Variants in FAM120B observed in about 807,000 individuals in gnomAD.
FAM120B encodes the protein family with sequence similarity 120 member B, also known as constitutive coactivator of peroxisome proliferator-activated receptor gamma.
FAM120B carries 83 observed loss-of-function variants against 96.3 expected under a neutral mutation model. That is an observed-to-expected ratio of 0.86 (90% CI 0.72 to 1.03). The LOEUF (loss-of-function observed/expected upper bound fraction) is 1.03, where lower values mean the gene tolerates loss of function less well. Ranked by LOEUF, FAM120B falls within the 50% of genes least tolerant of loss-of-function variation. FAM120B has a pLI of 0.00. For synonymous variants in FAM120B, 407 were observed against 402.7 expected, an observed-to-expected ratio of 1.01 and a Z score of -0.13; for missense variants, 1,027 against 1,121.2, an observed-to-expected ratio of 0.92 and a Z score of 1.20.
rs1438590515 is a variant in FAM120B, at chr6:170,323,253, T to C, written c.1909T>C (p.Cys637Arg). ...GGTCTACTCACTCTTACTGGAGGAC[T>C]GTCAAGGTGAGAATTGGTTGGTCCC... Reference protein sequence around the residue: ...QRVYSLLLEDCQDVTSTCLAV... With the variant: ...QRVYSLLLEDRQDVTSTCLAV... Residue 637 changes from cysteine (C) to arginine (R), a missense_variant, in exon 3 of 11, where the codon TGT becomes CGT. Coordinates refer to ENST00000476287, the MANE Select transcript of FAM120B (RefSeq NM_032448.3). 6.2e-7 allele frequency: 1 copy of C among 1,612,276 alleles called. No homozygotes were observed. Among genetic ancestry groups the C allele is most frequent in the South Asian group, 1.1e-5 (1 of 90,792 alleles).
At chr6:170,396,751 C>A (rs1209716684) in intron 9 of FAM120B, among the ~76,000 whole-genome samples, 3 of 152,216 alleles carry the variant, frequency 2.0e-5, no homozygotes, top group Non-Finnish European at 4.4e-5. Flanking sequence ...CAACTGAGAT[C>A]TGGGCAAAAG....
rs781343182 is a variant in FAM120B at position 170,317,571 on chromosome 6, G to C, written c.181G>C (p.Gly61Arg). 6.2e-6 allele frequency: 10 copies of C among 1,614,158 alleles called. No individual in the cohort carries two copies. The highest frequency in any genetic ancestry group is 8.5e-6 in the Non-Finnish European group (10 of 1,180,030). ...YWYTPESWIC[G>R]GQWREYFSAL... ...GTATACTCCAGAATCTTGGATCTGC[G>C]GTGGCCAGTGGCGAGAATACTTTTC... The change falls in exon 2 of 11, where the codon GGT becomes CGT. Residue 61 changes from glycine (G) to arginine (R), a missense_variant. This residue lies in a region of FAM120B where 880 missense variants were observed against 980.9 expected (regional missense o/e 0.90). Coordinates refer to ENST00000476287, the MANE Select transcript of FAM120B (RefSeq NM_032448.3).
chr6:170,311,898 C>A (rs1009244244), intron 1 of FAM120B, among the ~76,000 whole-genome samples: 1 of 152,320 alleles, frequency 6.6e-6, no homozygotes, highest in African/African-American at 2.4e-5. Context: ...TATGCCGTGA[C>A]TCAGCAGCTT....
chr6:170,336,531 A>G (rs1409975281), intron 4 of FAM120B, among the ~76,000 whole-genome samples: 1 of 152,194 alleles, frequency 6.6e-6, no homozygotes, highest in Non-Finnish European at 1.5e-5. Flanking sequence ...TTTTGGTTCC[A>G]TATGAAATTT....
At chr6:170,344,874 T>G (rs964463237) in intron 4 of FAM120B, among the ~76,000 whole-genome samples, 2 of 152,220 alleles carry the variant, frequency 1.3e-5, no homozygotes, top group Middle Eastern at 3.2e-3. Context: ...TTCCCTGAAC[T>G]TCCCCTTTTC....
At chr6:170,291,037 C>T (rs775343030), upstream of FAM120B, 2 of 702,074 alleles carry the variant, frequency 2.8e-6, no homozygotes, top group South Asian at 3.0e-5. Flanking sequence ...AAAGGAGCCA[C>T]TTTTCCAAAC....
intron 7 of FAM120B, among the ~76,000 whole-genome samples, chr6:170,389,081 C>T (rs749484808): frequency 3.3e-5 from 5 of 152,254 alleles, no homozygotes; most frequent in Admixed American, 1.3e-4. Flanking sequence ...AGGGGTGGGT[C>T]TTGCTGCCTC....
At chr6:170,338,767 T>C (rs1316986473) in intron 4 of FAM120B, among the ~76,000 whole-genome samples, 1 of 152,140 alleles carries the variant, frequency 6.6e-6, no homozygotes, top group East Asian at 1.9e-4. Context: ...CCCTTTACCA[T>C]TATGTAATAC....
intron 9 of FAM120B, among the ~76,000 whole-genome samples, chr6:170,400,984 A>T (rs750270691): frequency 6.6e-6 from 1 of 152,158 alleles, no homozygotes; most frequent in Non-Finnish European, 1.5e-5. Context: ...AGACCAAAAG[A>T]ACCCCCTTCC....
At chr6:170,399,522 G>C (rs375213243) in intron 9 of FAM120B, among the ~76,000 whole-genome samples, 2 of 139,852 alleles carry the variant, frequency 1.4e-5, no homozygotes, top group Non-Finnish European at 3.1e-5. Context: ...GGAGTGAGTG[G>C]GGAAGGTAGA....
intron 4 of FAM120B, among the ~76,000 whole-genome samples, chr6:170,344,200 G>A (rs1289410633): frequency 1.3e-4 from 12 of 91,996 alleles, no homozygotes; most frequent in South Asian, 5.4e-4. Flanking sequence ...CACCTGCACC[G>A]TTGCCTGCGG....
rs1241408762 is a variant in FAM120B at position 170,318,367 on chromosome 6, A to T, written c.977A>T (p.Lys326Ile). 1 of 1,614,234 alleles carries T rather than the reference A, an allele frequency of 6.2e-7. No individual in the cohort carries two copies. The highest frequency in any genetic ancestry group is 1.1e-5 in the South Asian group (1 of 91,086). Residue 326 changes from lysine (K) to isoleucine (I), a missense_variant, in exon 2 of 11, where the codon AAA becomes ATA. Coordinates refer to ENST00000476287, the MANE Select transcript of FAM120B (RefSeq NM_032448.3). ...QKPKGVITLDKQVISTSSDAE... is the reference protein window; with the variant it reads ...QKPKGVITLDIQVISTSSDAE... ...CCCAAAGGTGTAATAACTTTGGACA[A>T]ACAAGTAATATCCACGAGTTCAGAC...
At chr6:170,354,774 A>G (rs1787792474) in intron 5 of FAM120B, among the ~76,000 whole-genome samples, 1 of 151,902 alleles carries the variant, frequency 6.6e-6, no homozygotes, top group Admixed American at 6.6e-5. Context: ...AAAAGAAAAA[A>G]AAAAATTAGC....
intron 6 of FAM120B, among the ~76,000 whole-genome samples, chr6:170,374,673 G>A (rs76822017): frequency 0.014 from 2,076 of 152,238 alleles, 49 homozygotes; most frequent in African/African-American, 0.048. Flanking sequence ...TTTCAGTATG[G>A]GAAATAATCA....
chr6:170,350,954 C>T (rs1787532944), intron 5 of FAM120B, among the ~76,000 whole-genome samples: 1 of 152,190 alleles, frequency 6.6e-6, no homozygotes, highest in South Asian at 2.1e-4. Context: ...CCTAAATCGA[C>T]AGAAGTAGGC....
intron 7 of FAM120B, among the ~76,000 whole-genome samples, chr6:170,390,694 G>A (rs1348381412): frequency 1.3e-5 from 2 of 152,178 alleles, no homozygotes; most frequent in African/African-American, 4.8e-5. Flanking sequence ...AGGTAAGATT[G>A]TGTGGTAATC....
Position 170,395,567 on chromosome 6 carries a change from G to A in FAM120B, c.2680G>A (p.Asp894Asn). The change falls in exon 9 of 11, where the codon GAC (aspartate) becomes AAC (asparagine). Residue 894 changes from aspartate to asparagine, a missense_variant. Physicochemically the swap from Asp to Asn is conservative, Grantham distance 23. Around this residue, in one of 3 missense-constraint regions of FAM120B, gnomAD observed 142 missense variants for 122.5 expected, o/e 1.16. Transcript: ENST00000476287. ...TTCCAGTCAGGGACAGCCGTGGAGA[G>A]ACCAGGGACCAGGTAAGAAGGCCAG... ...SRSSQGQPWR[D>N]QGPGSRQYEH... The A allele has an allele frequency of 1.3e-6, 2 of 1,591,600 alleles. No homozygotes were observed. The highest frequency in any genetic ancestry group is 4.6e-5 in the East Asian group (2 of 43,696).
chr6:170,354,621 A>T (rs1337699360), intron 5 of FAM120B, among the ~76,000 whole-genome samples: 7 of 152,190 alleles, frequency 4.6e-5, no homozygotes, highest in Admixed American at 4.6e-4. Flanking sequence ...ATGAACAGAC[A>T]CTTCTCAAAA....
chr6:170,339,805 G>C (rs1425494464), intron 4 of FAM120B, among the ~76,000 whole-genome samples: 1 of 151,046 alleles, frequency 6.6e-6, no homozygotes, highest in Admixed American at 6.6e-5. Flanking sequence ...AAAGAATGTT[G>C]GACATTGGCC....
Sources: allele counts gnomAD v4.1 joint callset (sites outside exome capture counted in the v4.1 genomes callset), GRCh38; gene constraint gnomAD v4.1.1; regional missense constraint gnomAD v4.1.1; transcripts MANE v1.5; gene names NCBI Gene and HGNC (gene_info 2026-07-23, HGNC 2026-07-21).